The following NRXN1 variants were observed in gnomAD, a reference collection of about 807,000 sequenced individuals.
NRXN1 encodes neurexin-1.
NRXN1 carries 39 observed loss-of-function variants against 150.9 expected under a neutral mutation model. The observed-to-expected ratio is 0.26, with a 90% CI of 0.20 to 0.34. NRXN1 has a LOEUF of 0.34. Ranked by LOEUF, NRXN1 falls within the 10% of genes least tolerant of loss-of-function variation. The probability of loss-of-function intolerance (pLI) is 1.00; values close to 1 mark genes in which losing one functional copy is unlikely to be tolerated. For missense variants in NRXN1, 1,815 were observed against 1,949.9 expected (o/e 0.93, Z 1.30); for synonymous variants, 924 against 757.0 (o/e 1.22, Z -3.62).
chr2:50,832,993 T>TCC (rs1200679031), intron 5 of NRXN1, among the ~76,000 whole-genome samples: 1 of 152,024 alleles, frequency 6.6e-6, no homozygotes, highest in Non-Finnish European at 1.5e-5. Context: ...ACAAATCAAT[T>TCC]TAAAAGTGGA....
At chr2:50,795,536 C>T (rs905535552) in intron 5 of NRXN1, among the ~76,000 whole-genome samples, 14 of 151,708 alleles carry the variant, frequency 9.2e-5, no homozygotes, top group Admixed American at 8.6e-4. Context: ...CCTCCTCTTT[C>T]TTCTCTCCCT....
intron 8 of NRXN1, among the ~76,000 whole-genome samples, chr2:50,597,815 CT>C (rs1028343077): frequency 2.6e-5 from 4 of 152,166 alleles, no homozygotes; most frequent in African/African-American, 9.7e-5. Flanking sequence ...GAGTCTCCCC[CT>C]GTCTGTCTTC....
intron 17 of NRXN1, among the ~76,000 whole-genome samples, chr2:50,293,542 G>C (rs990941929): frequency 6.6e-6 from 1 of 152,124 alleles, no homozygotes; most frequent in Non-Finnish European, 1.5e-5. Flanking sequence ...CTGCTTCGTA[G>C]ATCCCTGTCT....
intron 5 of NRXN1, among the ~76,000 whole-genome samples, chr2:50,704,696 T>C (rs1694195014): frequency 6.6e-6 from 1 of 151,850 alleles, no homozygotes; most frequent in Admixed American, 6.6e-5. Context: ...GTTTCATTTC[T>C]TTCATTTTAC....
intron 5 of NRXN1, among the ~76,000 whole-genome samples, chr2:50,635,941 C>T (rs1023696383): frequency 2.6e-5 from 4 of 152,236 alleles, no homozygotes; most frequent in South Asian, 4.1e-4. Context: ...AATTTCCATT[C>T]AACATATGGT....
chr2:50,658,390 T>A (rs1046658362), intron 5 of NRXN1, among the ~76,000 whole-genome samples: 1 of 125,382 alleles, frequency 8.0e-6, no homozygotes, highest in Non-Finnish European at 1.7e-5. Flanking sequence ...ATGTTTTTAA[T>A]TTACAGGAAA....
At chr2:50,906,695 T>C (rs13026501) in intron 5 of NRXN1, among the ~76,000 whole-genome samples, 1 of 152,250 alleles carries the variant, frequency 6.6e-6, no homozygotes, top group South Asian at 2.1e-4. Context: ...CTTGTTGCAT[T>C]AATACTCAAT....
At chr2:50,492,510 C>T (rs1050643887) in intron 15 of NRXN1, among the ~76,000 whole-genome samples, 1 of 152,122 alleles carries the variant, frequency 6.6e-6, no homozygotes, top group East Asian at 1.9e-4. Flanking sequence ...TGAAACAGAG[C>T]CACGGACAAA....
chr2:50,553,189 C>T (rs1187673717), intron 8 of NRXN1, among the ~76,000 whole-genome samples, 164 bp from the exon 9 acceptor site: 2 of 152,176 alleles, frequency 1.3e-5, no homozygotes, highest in Non-Finnish European at 2.9e-5. Context: ...ATTCAAGTGT[C>T]AATTCATAGA....
intron 21 of NRXN1, among the ~76,000 whole-genome samples, chr2:50,033,229 C>T (rs1478873786): frequency 6.6e-6 from 1 of 151,934 alleles, no homozygotes; most frequent in Admixed American, 6.6e-5. Context: ...TCAAAGAATA[C>T]TACAGGGCTA....
chr2:50,287,874 G>C (rs1160651029), intron 17 of NRXN1, among the ~76,000 whole-genome samples: 4 of 151,936 alleles, frequency 2.6e-5, no homozygotes, highest in Non-Finnish European at 5.9e-5. Flanking sequence ...AATAACCTAG[G>C]AAGTTTGCTA....
chr2:50,691,923 C>T (rs1287820499), intron 5 of NRXN1, among the ~76,000 whole-genome samples: 3 of 152,110 alleles, frequency 2.0e-5, no homozygotes, highest in African/African-American at 7.2e-5. Flanking sequence ...CACAATTTAG[C>T]TTATACGTAT....
intron 22 of NRXN1, among the ~76,000 whole-genome samples, chr2:49,939,520 G>C (rs1439723421): frequency 2.0e-5 from 3 of 152,150 alleles, no homozygotes; most frequent in African/African-American, 7.2e-5. Context: ...TAACTGTGCA[G>C]GACAGTGTGG....
intron 8 of NRXN1, among the ~76,000 whole-genome samples, chr2:50,606,193 G>C (rs1677085821): frequency 6.9e-6 from 1 of 144,624 alleles, no homozygotes; most frequent in Non-Finnish European, 1.5e-5. Flanking sequence ...AGGGTGCAGT[G>C]AGCTAAGATT....
At chr2:50,478,142 A>G (rs1282475360) in intron 15 of NRXN1, among the ~76,000 whole-genome samples, 1 of 152,158 alleles carries the variant, frequency 6.6e-6, no homozygotes, top group Non-Finnish European at 1.5e-5. Context: ...ACAAATCCAA[A>G]CCTCTAAAAC....
At chr2:50,960,065 A>G (rs1558493605) in intron 2 of NRXN1, among the ~76,000 whole-genome samples, 1 of 152,054 alleles carries the variant, frequency 6.6e-6, no homozygotes, top group African/African-American at 2.4e-5. Context: ...CACTGTTCTC[A>G]AAAGAATTTT....
At chr2:50,170,690 C>T (rs1352629633) in intron 18 of NRXN1, among the ~76,000 whole-genome samples, 1 of 150,572 alleles carries the variant, frequency 6.6e-6, no homozygotes, top group Non-Finnish European at 1.5e-5. Context: ...CAAAAAAACC[C>T]TGAAATCTGA....
intron 21 of NRXN1, among the ~76,000 whole-genome samples, chr2:49,946,053 C>T (rs940201523): frequency 6.6e-6 from 1 of 152,140 alleles, no homozygotes; most frequent in African/African-American, 2.4e-5. Context: ...TCTGTTGCTT[C>T]CTGACTTTTT....
chr2:50,395,953 C>A (rs2082026048), intron 17 of NRXN1, among the ~76,000 whole-genome samples: 1 of 152,134 alleles, frequency 6.6e-6, no homozygotes, highest in African/African-American at 2.4e-5. Flanking sequence ...TCTGCTCTGT[C>A]GTTAGGGACT....
Sources: gnomAD v4.1 joint callset for allele counts (sites outside exome capture counted in the v4.1 genomes callset) on GRCh38, gnomAD v4.1.1 for gene constraint, MANE v1.5 for transcripts, NCBI Gene and HGNC (gene_info 2026-07-23, HGNC 2026-07-21) for gene names.